Variants in CMIP observed in about 807,000 individuals in gnomAD.
The protein encoded by CMIP is C-Maf-inducing protein.
In CMIP, 13 loss-of-function variants were observed where a neutral mutation model predicts 97.3. The ratio of observed to expected loss-of-function variants is 0.13; its 90% CI spans 0.09 to 0.21. The LOEUF (loss-of-function observed/expected upper bound fraction) is 0.21, where lower values mean the gene tolerates loss of function less well. Among genes scored for constraint, CMIP ranks in the 10% least tolerant of loss-of-function variants. The pLI is 1.00. For missense variants in CMIP, 847 were observed against 1,024.9 expected, an observed-to-expected ratio of 0.83 and a Z score of 2.37; for synonymous variants, 538 against 436.3, an observed-to-expected ratio of 1.23 and a Z score of -2.91.
At chr16:81,479,589 T>C (rs1422776579) in intron 1 of CMIP, among the ~76,000 whole-genome samples, 1 of 152,186 alleles carries the variant, frequency 6.6e-6, no homozygotes, top group African/African-American at 2.4e-5. Flanking sequence ...TATGAATGGG[T>C]TAATATAGGA....
chr16:81,660,826 G>C (rs781494389), intron 5 of CMIP, 58 bp from the exon 6 acceptor site: 1 of 1,593,696 alleles, frequency 6.3e-7, no homozygotes, highest in Non-Finnish European at 8.6e-7. Context: ...GAGATTGTTC[G>C]AAGTCTTTCC....
chr16:81,510,035 A>T lies in CMIP; in HGVS notation c.300+64494A>T, dbSNP rs139658514. 3.0e-3 allele frequency among the ~76,000 whole-genome samples: 455 copies of T among 152,302 alleles called. 3 individuals are homozygous for T. The highest frequency in any genetic ancestry group is 0.011 in the African/African-American group (438 of 41,572). ...CATTTTCTGATCAATTTCCATCAGG[A>T]TTTTAGATGAGGATGCTTTTCCTGT... On this transcript the variant is annotated intron_variant, in intron 1 of 20. Coordinates refer to ENST00000537098, the MANE Select transcript of CMIP (RefSeq NM_198390.3).
chr16:81,447,267 A>G (rs1905915469), intron 1 of CMIP, among the ~76,000 whole-genome samples: 1 of 150,480 alleles, frequency 6.6e-6, no homozygotes. Context: ...TACACTCCAC[A>G]AAATGAAGGG....
chr16:81,602,447 TGTAATTTACATACA>T (rs1402922989), intron 1 of CMIP, among the ~76,000 whole-genome samples: 1 of 152,252 alleles, frequency 6.6e-6, no homozygotes, highest in Non-Finnish European at 1.5e-5. Flanking sequence ...AGGTTTGCGT[TGTAATTTACATACA>T]GTAAGAGTCA....
At position 81,447,171 on chromosome 16, in the gene CMIP, C is replaced by T. The variant is rs1404867864; in HGVS notation, c.300+1630C>T. On this transcript the variant is annotated intron_variant, in intron 1 of 20. Coordinates refer to ENST00000537098, the MANE Select transcript of CMIP (RefSeq NM_198390.3). ...AACTGGTGACCGCGGTGCCCCCTGC[C>T]TGGATTCTGGAGACCCCAGATCTGG... 2.0e-5 allele frequency among the ~76,000 whole-genome samples: 3 copies of T among 151,556 alleles called. No individual in the cohort carries two copies. The South Asian group carries it at 6.2e-4, about 31-fold the overall frequency.
At position 81,655,484 on chromosome 16, in the gene CMIP, G is replaced by A. The variant is rs552745457; in HGVS notation, c.640-2291G>A. 1.3e-5 allele frequency among the ~76,000 whole-genome samples: 2 copies of A among 152,336 alleles called. No individual in the cohort carries two copies. Among genetic ancestry groups the A allele is most frequent in the South Asian group, 2.1e-4 (1 of 4,820 alleles). On this transcript the variant is annotated intron_variant, in intron 4 of 20. Coordinates refer to ENST00000537098, the MANE Select transcript of CMIP (RefSeq NM_198390.3). The surrounding 1 kb of genome is among the most constrained non-coding windows in gnomAD (Gnocchi z 4.9). ...AGTGGCCGCTTAGCTCGAGAGTCAG[G>A]TGTTCCCTCTAATGCAGTGGCTATT...
In CMIP at chr16:81,627,712, C is replaced by T. The variant is rs995265560; in HGVS notation, c.477+6786C>T. Among the ~76,000 whole-genome samples, 8 of 152,152 alleles carry T rather than the reference C, an allele frequency of 5.3e-5. No individual in the cohort carries two copies. The highest frequency in any genetic ancestry group is 4.4e-5 in the Non-Finnish European group (3 of 68,022). Reference sequence around the variant, plus strand: ...CCATCTCATAGCAGAGGGGACTGAGCGTCCAAGTGGATAAAGGATGAGGAT... The same window carrying T: ...CCATCTCATAGCAGAGGGGACTGAGTGTCCAAGTGGATAAAGGATGAGGAT... On this transcript the variant is annotated intron_variant, in intron 3 of 20. Transcript: ENST00000537098. The surrounding 1 kb of genome is among the most constrained non-coding windows in gnomAD (Gnocchi z 4.6).
intron 1 of CMIP, among the ~76,000 whole-genome samples, chr16:81,478,781 C>CA (rs1217553180): frequency 6.6e-6 from 1 of 152,184 alleles, no homozygotes; most frequent in African/African-American, 2.4e-5. Flanking sequence ...GCGCCATATC[C>CA]AGAGGCACTC....
intron 1 of CMIP, chr16:81,519,353 C>T (rs147131042): frequency 1.3e-5 from 2 of 152,336 alleles, no homozygotes; most frequent in African/African-American, 4.8e-5. Context: ...TTTGCTAGTA[C>T]TTGCTAAGCT....
chr16:81,601,322 G>C (rs77331360), intron 1 of CMIP, among the ~76,000 whole-genome samples: 2,271 of 152,294 alleles, frequency 0.015, 56 homozygotes, highest in African/African-American at 0.053. Context: ...CAGCAGGCAG[G>C]TTTGGGCAGG....
intron 1 of CMIP, among the ~76,000 whole-genome samples, chr16:81,601,061 G>C (rs2091649217): frequency 6.6e-6 from 1 of 152,206 alleles, no homozygotes; most frequent in African/African-American, 2.4e-5. Context: ...TAGGGAGAGA[G>C]GGGACTTGAC....
In CMIP at chr16:81,689,192, C is replaced by G. The variant is rs1286766583; in HGVS notation, c.1389-2583C>G. Among the ~76,000 whole-genome samples the G allele has an allele frequency of 2.6e-5, 4 of 152,210 alleles. No homozygotes were observed. The South Asian group carries it at 6.2e-4, about 24-fold the overall frequency. On this transcript the variant is annotated intron_variant, in intron 10 of 20. Coordinates refer to ENST00000537098, the MANE Select transcript of CMIP (RefSeq NM_198390.3). ...ATACCCAGTAATGGGATGGCTGGGT[C>G]AAATGGTATTTCTAGTTCTAGATCC...
chr16:81,445,124 C>A lies in CMIP; in HGVS notation c.-118C>A, dbSNP rs906609819. 4.3e-6 allele frequency: 2 copies of A among 469,240 alleles called. No homozygotes were observed. Among genetic ancestry groups the A allele is most frequent in the Admixed American group, 9.2e-5 (2 of 21,626 alleles). 29.1% of individuals were successfully genotyped at this position (469,240 alleles called of 1,614,324 possible). A position where few individuals can be genotyped will look rare whatever the true frequency, so the allele number is the denominator to read the frequency against. On this transcript the variant is annotated 5_prime_UTR_variant, in exon 1 of 21. Transcript: ENST00000537098. The stretch of plus-strand genomic sequence containing the variant: ...CCCTGCGGGCGCCCCCAGCCCCACA[C>A]CCCCCCACCTTCCCGGGGGGTGGGG...
intron 1 of CMIP, among the ~76,000 whole-genome samples, chr16:81,538,783 C>T (rs1228280253): frequency 6.6e-6 from 1 of 151,980 alleles, no homozygotes; most frequent in Non-Finnish European, 1.5e-5. Flanking sequence ...CAAACCAAGA[C>T]TTTGTTATGA....
intron 3 of CMIP, among the ~76,000 whole-genome samples, chr16:81,634,498 C>CGA: frequency 6.6e-6 from 1 of 152,246 alleles, no homozygotes; most frequent in South Asian, 2.1e-4. Flanking sequence ...TGCCAGAATC[C>CGA]CCTCTGTTTG....
chr16:81,525,335 G>T (rs892265508), intron 1 of CMIP, among the ~76,000 whole-genome samples: 1 of 151,502 alleles, frequency 6.6e-6, no homozygotes, highest in African/African-American at 2.4e-5. Flanking sequence ...TAGAGACAGG[G>T]TTTCACCATG....
At chr16:81,645,755 C>T in intron 3 of CMIP, 1 of 762,552 alleles carries the variant, frequency 1.3e-6, no homozygotes, top group South Asian at 1.6e-5. Context: ...AGTTCTACCT[C>T]CCTGGACTAC....
At chr16:81,461,535 C>G (rs1466442271) in intron 1 of CMIP, among the ~76,000 whole-genome samples, 1 of 152,132 alleles carries the variant, frequency 6.6e-6, no homozygotes, top group Non-Finnish European at 1.5e-5. Context: ...CAACGGGGAC[C>G]CTATTTGCCA....
At chr16:81,490,979 G>C (rs939291938) in intron 1 of CMIP, among the ~76,000 whole-genome samples, 1 of 152,110 alleles carries the variant, frequency 6.6e-6, no homozygotes, top group African/African-American at 2.4e-5. Context: ...GAGGCTCCAA[G>C]GGGTCCAGCC....
Sources: gnomAD v4.1 joint callset for allele counts (sites outside exome capture counted in the v4.1 genomes callset) on GRCh38, gnomAD v4.1.1 for gene constraint, Gnocchi (gnomAD v3.1) non-coding constraint, MANE v1.5 for transcripts, NCBI Gene and HGNC (gene_info 2026-07-23, HGNC 2026-07-21) for gene names.